The following ST6GALNAC5 variants were observed in gnomAD, a reference collection of about 807,000 sequenced individuals.
ST6GALNAC5 encodes the protein ST6 N-acetylgalactosaminide alpha-2,6-sialyltransferase 5, also known as alpha-N-acetylgalactosaminide alpha-2,6-sialyltransferase 5.
A neutral mutation model predicts 33.6 loss-of-function variants in ST6GALNAC5; 27 were observed. The ratio of observed to expected loss-of-function variants is 0.80; its 90% CI spans 0.59 to 1.11. The LOEUF (loss-of-function observed/expected upper bound fraction) is 1.11, where lower values mean the gene tolerates loss of function less well. Among genes scored for constraint, ST6GALNAC5 ranks in the 50% least tolerant of loss-of-function variants. The pLI is 0.00. For missense variants in ST6GALNAC5, 428 were observed against 454.0 expected (o/e 0.94, Z 0.52); for synonymous variants, 194 against 171.2 (o/e 1.13, Z -1.04).
chr1:76,883,918 G>A (rs549906538), intron 2 of ST6GALNAC5, among the ~76,000 whole-genome samples: 1 of 152,316 alleles, frequency 6.6e-6, no homozygotes, highest in East Asian at 1.9e-4. Context: ...TTTCAGTGCA[G>A]ATTTGGAGAA....
chr1:76,985,962 A>G (rs2100388892), intron 2 of ST6GALNAC5, among the ~76,000 whole-genome samples: 1 of 152,366 alleles, frequency 6.6e-6, no homozygotes, highest in Non-Finnish European at 1.5e-5. Flanking sequence ...ATATGTAGAA[A>G]GCTGAAATTG....
intron 2 of ST6GALNAC5, among the ~76,000 whole-genome samples, chr1:76,966,538 C>A (rs532896195): frequency 1.3e-5 from 2 of 152,258 alleles, no homozygotes; most frequent in South Asian, 2.1e-4. Context: ...ATCATGTCAT[C>A]TGCAAAAAGG....
rs118171385 is a variant in ST6GALNAC5, at chr1:76,949,620, T to C, written c.261+80878T>C. On this transcript the variant is annotated intron_variant, in intron 2 of 4. Coordinates refer to ENST00000477717, the MANE Select transcript of ST6GALNAC5 (RefSeq NM_030965.3). ...CACCCTGTTATTCTGGGCATCTGTG[T>C]TCCTGCCTCTGTAATTGAGGTCATC... Among the ~76,000 whole-genome samples, 71 of 152,184 alleles carry C rather than the reference T, an allele frequency of 4.7e-4. 2 individuals are homozygous for C. The East Asian group carries it at 0.013, about 28-fold the overall frequency.
In ST6GALNAC5 at chr1:77,044,466, G is replaced by A. The variant is rs766763123; in HGVS notation, c.524G>A (p.Ser175Asn). The A allele has an allele frequency of 1.7e-5, 27 of 1,613,274 alleles. No homozygotes were observed. The highest frequency in any genetic ancestry group is 2.2e-5 in the Non-Finnish European group (26 of 1,179,680). ...GTVFIFWGPSSYMRRDGKGQV... is the reference protein window; with the variant it reads ...GTVFIFWGPSNYMRRDGKGQV... ...GTGTTCATCTTCTGGGGCCCCAGCA[G>A]CTACATGCGGCGGGACGGCAAGGGC... is the stretch of plus-strand genomic sequence containing the variant. Residue 175 changes from serine (S) to asparagine (N), a missense_variant, in exon 3 of 5, where the codon AGC becomes AAC. Physicochemically the swap from Ser to Asn is conservative, Grantham distance 46 (BLOSUM62 1). Transcript: ENST00000477717.
chr1:76,966,287 G>T (rs969762740), intron 2 of ST6GALNAC5, among the ~76,000 whole-genome samples: 5 of 152,146 alleles, frequency 3.3e-5, no homozygotes, highest in East Asian at 1.9e-4. Flanking sequence ...TTGGGAAGTG[G>T]TTTGTAGTTC....
intron 2 of ST6GALNAC5, among the ~76,000 whole-genome samples, chr1:77,041,408 C>T (rs557156387): frequency 6.6e-6 from 1 of 152,102 alleles, no homozygotes; most frequent in Non-Finnish European, 1.5e-5. Flanking sequence ...TGGTTTTGGC[C>T]ATTACTTTTA....
chr1:77,055,901 C>G (rs1313831076), intron 4 of ST6GALNAC5, among the ~76,000 whole-genome samples: 1 of 152,228 alleles, frequency 6.6e-6, no homozygotes, highest in Non-Finnish European at 1.5e-5. Flanking sequence ...AAAATAAGCC[C>G]TGTCCATGGG....
rs1557752426 is a variant in ST6GALNAC5 at position 76,994,040 on chromosome 1, A to G, written c.262-50164A>G. Among the ~76,000 whole-genome samples the G allele has an allele frequency of 3.3e-5, 5 of 152,204 alleles. No individual in the cohort carries two copies. In the South Asian group the frequency reaches 8.3e-4, roughly 25 times the overall value. On this transcript the variant is annotated intron_variant, in intron 2 of 4. Transcript: ENST00000477717. ...CACACTGTGAAATATCCAAACAACT[A>G]CAATGTCATTATAAATATATTTTTC...
At chr1:76,966,780 C>T (rs1173186202) in intron 2 of ST6GALNAC5, among the ~76,000 whole-genome samples, 1 of 152,118 alleles carries the variant, frequency 6.6e-6, no homozygotes, top group Non-Finnish European at 1.5e-5. Context: ...CCATCAATAC[C>T]TAGTTTATTG....
chr1:76,914,460 C>A (rs894425209), intron 2 of ST6GALNAC5, among the ~76,000 whole-genome samples: 2 of 152,162 alleles, frequency 1.3e-5, no homozygotes, highest in African/African-American at 4.8e-5. Context: ...GCTACAGTAA[C>A]CAAAACAGCA....
chr1:76,882,366 ACAT>A lies in ST6GALNAC5; in HGVS notation c.261+13630_261+13632del, dbSNP rs569890700. Among the ~76,000 whole-genome samples, 317 of 152,260 alleles carry A rather than the reference ACAT, an allele frequency of 2.1e-3. 1 individual carries two copies. The highest frequency in any genetic ancestry group is 0.014 in the Middle Eastern group (4 of 294). ...TACCTTCTCCACAGTGGAGAAGAAA[ACAT>A]CATCAGGAGACTTAGTTAACCAAGT... On this transcript the variant is annotated intron_variant, in intron 2 of 4. Coordinates refer to ENST00000477717, the MANE Select transcript of ST6GALNAC5 (RefSeq NM_030965.3).
intron 2 of ST6GALNAC5, among the ~76,000 whole-genome samples, chr1:76,919,336 A>G (rs1399752450): frequency 6.6e-6 from 1 of 152,108 alleles, no homozygotes; most frequent in Non-Finnish European, 1.5e-5. Context: ...AGCAGCTTGT[A>G]GGTTTTCAAT....
At chr1:76,959,353 A>G (rs540346046) in intron 2 of ST6GALNAC5, among the ~76,000 whole-genome samples, 22 of 152,200 alleles carry the variant, frequency 1.4e-4, no homozygotes, top group Non-Finnish European at 2.5e-4. Flanking sequence ...AATTGTATCT[A>G]TCTTTTTCTC....
intron 2 of ST6GALNAC5, among the ~76,000 whole-genome samples, chr1:77,025,437 T>A (rs2100441600): frequency 6.6e-6 from 1 of 151,922 alleles, no homozygotes; most frequent in Middle Eastern, 3.4e-3. Flanking sequence ...GGAGAATCAC[T>A]TGAACCCAGA....
chr1:76,904,917 G>A (rs1570657458), intron 2 of ST6GALNAC5, among the ~76,000 whole-genome samples: 1 of 152,164 alleles, frequency 6.6e-6, no homozygotes, highest in East Asian at 1.9e-4. Flanking sequence ...CTATGCTGTA[G>A]GAAGACAGAT....
chr1:77,049,413 A>G (rs889032415), intron 3 of ST6GALNAC5, among the ~76,000 whole-genome samples: 5 of 152,208 alleles, frequency 3.3e-5, no homozygotes, highest in Non-Finnish European at 7.3e-5. Context: ...AATTGAAATT[A>G]ATATCCACAG....
intron 2 of ST6GALNAC5, among the ~76,000 whole-genome samples, chr1:77,010,947 T>C (rs944405157): frequency 6.6e-6 from 1 of 152,228 alleles, no homozygotes; most frequent in African/African-American, 2.4e-5. Flanking sequence ...ATTCAGATGT[T>C]GGAGACCCTC....
chr1:77,031,611 A>G (rs1651459213), intron 2 of ST6GALNAC5, among the ~76,000 whole-genome samples: 1 of 152,142 alleles, frequency 6.6e-6, no homozygotes, highest in Non-Finnish European at 1.5e-5. Context: ...AAAAATGAGT[A>G]TTTGCTCCAA....
At chr1:76,950,167 G>C (rs761509277) in intron 2 of ST6GALNAC5, among the ~76,000 whole-genome samples, 1 of 152,070 alleles carries the variant, frequency 6.6e-6, no homozygotes, top group Non-Finnish European at 1.5e-5. Flanking sequence ...GGTCATGCAC[G>C]GTATGAAGGA....
Sources: gnomAD v4.1 joint callset for allele counts (sites outside exome capture counted in the v4.1 genomes callset) on GRCh38, gnomAD v4.1.1 for gene constraint, MANE v1.5 for transcripts, NCBI Gene and HGNC (gene_info 2026-07-23, HGNC 2026-07-21) for gene names.